The following CDKAL1 variants were observed in gnomAD, a reference collection of about 807,000 sequenced individuals.
The protein encoded by CDKAL1 is threonylcarbamoyladenosine tRNA methylthiotransferase.
CDKAL1 carries 32 observed loss-of-function variants against 68.2 expected under a neutral mutation model. That is an observed-to-expected ratio of 0.47 (90% CI 0.35 to 0.63). The LOEUF is 0.63. Ranked by LOEUF, CDKAL1 falls within the 30% of genes least tolerant of loss-of-function variation. CDKAL1 has a pLI of 0.00. For missense variants in CDKAL1, 606 were observed against 696.7 expected, an observed-to-expected ratio of 0.87 and a Z score of 1.47; for synonymous variants, 234 against 244.3, an observed-to-expected ratio of 0.96 and a Z score of 0.39.
chr6:20,847,963 C>G (rs551188686), intron 9 of CDKAL1, among the ~76,000 whole-genome samples: 9 of 152,308 alleles, frequency 5.9e-5, no homozygotes, highest in South Asian at 4.1e-4. Flanking sequence ...CCAAATACCC[C>G]CTAGATGTTT....
At position 21,232,350 on chromosome 6, in the gene CDKAL1, C is replaced by G. The variant is rs921616993; in HGVS notation, c.*1311C>G. The G allele has an allele frequency of 1.3e-5, 2 of 152,192 alleles. No homozygotes were observed. Among genetic ancestry groups the G allele is most frequent in the African/African-American group, 4.8e-5 (2 of 41,442 alleles). The allele number at this position is 152,192 out of a possible 1,614,324, so 9.4% of individuals were successfully genotyped here. ...TTCTACCTGCCATCATTGGTCTTTA[C>G]TAAGTGAAGTGACTTCTTTCTTTAA... On this transcript the variant is annotated 3_prime_UTR_variant, in exon 16 of 16. Transcript: ENST00000274695.
chr6:21,022,268 G>A (rs906592539), intron 11 of CDKAL1, among the ~76,000 whole-genome samples: 2 of 152,118 alleles, frequency 1.3e-5, no homozygotes, highest in African/African-American at 4.8e-5. Context: ...CCACTGTTTG[G>A]TTATAAATAA....
At chr6:20,665,492 C>T (rs920541991) in intron 5 of CDKAL1, among the ~76,000 whole-genome samples, 2 of 151,812 alleles carry the variant, frequency 1.3e-5, no homozygotes, top group Non-Finnish European at 2.9e-5. Context: ...AGCTTAAATG[C>T]CAAGAATAGC....
At chr6:20,823,317 GTAT>G (rs1306544987) in intron 8 of CDKAL1, among the ~76,000 whole-genome samples, 1 of 152,038 alleles carries the variant, frequency 6.6e-6, no homozygotes, top group Admixed American at 6.6e-5. Context: ...CTGTGCATTT[GTAT>G]TATTCTACCC....
intron 10 of CDKAL1, among the ~76,000 whole-genome samples, chr6:20,985,263 T>G (rs1256793664): frequency 6.6e-6 from 1 of 152,182 alleles, no homozygotes; most frequent in African/African-American, 2.4e-5. Context: ...CTAGCTATTT[T>G]GTAATTACGT....
Position 21,089,742 on chromosome 6 carries a change from G to A in CDKAL1, c.1237-18659G>A, listed in dbSNP as rs1772898444. Among the ~76,000 whole-genome samples the A allele has an allele frequency of 3.3e-5, 5 of 152,334 alleles. No homozygotes were observed. In the South Asian group the frequency reaches 1.0e-3, roughly 32 times the overall value. On this transcript the variant is annotated intron_variant, in intron 12 of 15. Transcript: ENST00000274695. ...CAGCTTGAAGCGTCATGGGTGAGAA[G>A]ACTTGTAGGAAATGAAGGAGGCCAG...
intron 5 of CDKAL1, among the ~76,000 whole-genome samples, chr6:20,719,087 A>T (rs1772225624): frequency 6.6e-6 from 1 of 152,208 alleles, no homozygotes; most frequent in Non-Finnish European, 1.5e-5. Flanking sequence ...GTCTCTGGAC[A>T]GTCAGTGTGT....
At chr6:20,549,580 A>ATT (rs1763734396) in intron 4 of CDKAL1, among the ~76,000 whole-genome samples, 14 of 147,766 alleles carry the variant, frequency 9.5e-5, no homozygotes, top group African/African-American at 3.5e-4. Context: ...CTTTACATTT[A>ATT]TATTTATTTA....
intron 5 of CDKAL1, among the ~76,000 whole-genome samples, chr6:20,667,205 CAG>C (rs1480455395): frequency 6.6e-6 from 1 of 152,202 alleles, no homozygotes; most frequent in Non-Finnish European, 1.5e-5. Flanking sequence ...TAAAGAGAGT[CAG>C]TGTTCATTAA....
At chr6:20,879,298 T>C (rs1219172142) in intron 9 of CDKAL1, among the ~76,000 whole-genome samples, 1 of 152,116 alleles carries the variant, frequency 6.6e-6, no homozygotes, top group Non-Finnish European at 1.5e-5. Flanking sequence ...GAAGAGGCAG[T>C]AAGAGTCTCT....
At chr6:20,795,022 C>T (rs932875497) in intron 8 of CDKAL1, among the ~76,000 whole-genome samples, 13 of 151,488 alleles carry the variant, frequency 8.6e-5, no homozygotes, top group African/African-American at 2.7e-4. Flanking sequence ...GGGATAAAGG[C>T]ACTATTGAGA....
At chr6:21,074,251 G>C (rs1474798057) in intron 12 of CDKAL1, among the ~76,000 whole-genome samples, 1 of 152,116 alleles carries the variant, frequency 6.6e-6, no homozygotes, top group African/African-American at 2.4e-5. Context: ...GGTGTTTCTT[G>C]GCCTGCAGCT....
At chr6:20,591,171 G>A (rs546469815) in intron 4 of CDKAL1, among the ~76,000 whole-genome samples, 16 of 152,166 alleles carry the variant, frequency 1.1e-4, no homozygotes, top group East Asian at 5.8e-4. Context: ...AGAAGTGTCC[G>A]TTCATATTCT....
intron 4 of CDKAL1, among the ~76,000 whole-genome samples, chr6:20,570,058 C>G (rs9465810): frequency 0.024 from 3,625 of 152,052 alleles, 131 homozygotes; most frequent in African/African-American, 0.076. Context: ...AAATATTTGA[C>G]TACAGCGAAA....
chr6:20,876,803 GA>G (rs1270322405), intron 9 of CDKAL1, among the ~76,000 whole-genome samples: 2 of 152,084 alleles, frequency 1.3e-5, no homozygotes, highest in African/African-American at 4.8e-5. Flanking sequence ...TTTAATTAAT[GA>G]AAAACAACTA....
At chr6:20,553,131 C>G (rs1763897642) in intron 4 of CDKAL1, among the ~76,000 whole-genome samples, 1 of 152,110 alleles carries the variant, frequency 6.6e-6, no homozygotes, top group South Asian at 2.1e-4. Context: ...ATATTTTTAT[C>G]ATTTGGGGAA....
chr6:21,185,671 A>G (rs1212100004), intron 13 of CDKAL1, among the ~76,000 whole-genome samples: 1 of 152,158 alleles, frequency 6.6e-6, no homozygotes, highest in Non-Finnish European at 1.5e-5. Context: ...GCACATAGCA[A>G]ATTACTGGTT....
chr6:21,130,295 GCTCACT>G (rs1775245942), intron 13 of CDKAL1, among the ~76,000 whole-genome samples: 1 of 145,926 alleles, frequency 6.9e-6, no homozygotes, highest in Non-Finnish European at 1.5e-5. Context: ...TGCGATCTCA[GCTCACT>G]GCAACCTCTG....
At chr6:20,868,858 A>G (rs1297194916) in intron 9 of CDKAL1, among the ~76,000 whole-genome samples, 2 of 152,216 alleles carry the variant, frequency 1.3e-5, no homozygotes, top group East Asian at 1.9e-4. Flanking sequence ...GCAGAGGTGT[A>G]TGAAAATGAA....
Sources: allele counts gnomAD v4.1 joint callset (sites outside exome capture counted in the v4.1 genomes callset), GRCh38; gene constraint gnomAD v4.1.1; transcripts MANE v1.5; gene names NCBI Gene and HGNC (gene_info 2026-07-23, HGNC 2026-07-21).